Variants in CAMTA1 observed in about 807,000 individuals in gnomAD.
The protein encoded by CAMTA1 is calmodulin binding transcription activator 1.
In CAMTA1, 27 loss-of-function variants were observed where a neutral mutation model predicts 170.9. That is an observed-to-expected ratio of 0.16 (90% CI 0.12 to 0.22). The LOEUF (loss-of-function observed/expected upper bound fraction) is 0.22. Among genes scored for constraint, CAMTA1 ranks in the 10% least tolerant of loss-of-function variants. The pLI, the probability that CAMTA1 is intolerant of heterozygous loss-of-function variation, is 1.00. For missense variants in CAMTA1, 1,619 were observed against 2,217.2 expected, an observed-to-expected ratio of 0.73 and a Z score of 5.42; for synonymous variants, 833 against 891.5, an observed-to-expected ratio of 0.93 and a Z score of 1.17.
At chr1:7,688,011 CTTTT>C (rs70987364) in intron 11 of CAMTA1, among the ~76,000 whole-genome samples, 2 of 103,270 alleles carry the variant, frequency 1.9e-5, no homozygotes, top group South Asian at 3.4e-4. Flanking sequence ...CTCATTATTC[CTTTT>C]TTTTTTTTTT....
chr1:7,309,079 T>A (rs1410908554), intron 5 of CAMTA1, among the ~76,000 whole-genome samples: 1 of 152,206 alleles, frequency 6.6e-6, no homozygotes, highest in Non-Finnish European at 1.5e-5. Context: ...TTCTTTGCTC[T>A]GTAGTCTACC....
intron 5 of CAMTA1, among the ~76,000 whole-genome samples, chr1:7,275,858 G>A (rs1228021149): frequency 6.6e-6 from 1 of 152,038 alleles, no homozygotes; most frequent in Non-Finnish European, 1.5e-5. Flanking sequence ...AACATTTTCA[G>A]AAAATATAGG....
intron 3 of CAMTA1, among the ~76,000 whole-genome samples, chr1:6,921,502 G>C (rs564306425): frequency 6.6e-6 from 1 of 152,276 alleles, no homozygotes; most frequent in South Asian, 2.1e-4. Context: ...CAGTTCCAAA[G>C]TCACTTCCAC....
At chr1:7,380,452 TA>T (rs1405878489) in intron 5 of CAMTA1, among the ~76,000 whole-genome samples, 1 of 152,216 alleles carries the variant, frequency 6.6e-6, no homozygotes, top group African/African-American at 2.4e-5. Context: ...CGCATGCCTG[TA>T]ATCCCAGCTA....
intron 5 of CAMTA1, among the ~76,000 whole-genome samples, chr1:7,375,049 C>T (rs538026028): frequency 6.6e-6 from 1 of 152,292 alleles, no homozygotes; most frequent in African/African-American, 2.4e-5. Context: ...TAGCCACCAG[C>T]CCAGCCAGGT....
At chr1:7,449,769 CAAAAA>C (rs59913060) in intron 5 of CAMTA1, among the ~76,000 whole-genome samples, 1 of 79,608 alleles carries the variant, frequency 1.3e-5, no homozygotes, top group Non-Finnish European at 2.5e-5. Context: ...GACTCGGTCT[CAAAAA>C]AAAAAAAAAA....
chr1:7,115,768 G>T (rs1405993946), intron 4 of CAMTA1, among the ~76,000 whole-genome samples: 2 of 152,116 alleles, frequency 1.3e-5, no homozygotes, highest in Non-Finnish European at 2.9e-5. Flanking sequence ...GTCAAGTTTA[G>T]TCTGACTTCA....
rs944640276 is a variant in CAMTA1, at chr1:7,144,759, C to T, written c.302+53388C>T. 1.2e-4 allele frequency among the ~76,000 whole-genome samples: 19 copies of T among 152,216 alleles called. No individual in the cohort carries two copies. Among genetic ancestry groups the T allele is most frequent in the African/African-American group, 4.1e-4 (17 of 41,446 alleles). ...AGCATCCCAAACTAGTATTGATTGA[C>T]GTCATTTTGGCTAATGGGTCTTCTC... On this transcript the variant is annotated intron_variant, in intron 4 of 22. Transcript: ENST00000303635. The surrounding 1 kb of genome is among the most constrained non-coding windows in gnomAD (Gnocchi z 4.0).
chr1:6,792,392 G>A (rs1641370292), intron 1 of CAMTA1, among the ~76,000 whole-genome samples: 1 of 147,164 alleles, frequency 6.8e-6, no homozygotes, highest in Non-Finnish European at 1.5e-5. Context: ...TTCTAAGGTT[G>A]TATTGCATCC....
At chr1:7,518,998 C>T (rs1227861543) in intron 6 of CAMTA1, among the ~76,000 whole-genome samples, 1 of 151,996 alleles carries the variant, frequency 6.6e-6, no homozygotes, top group Admixed American at 6.5e-5. Context: ...GAGAGCAAGG[C>T]AGTTCTCAAG....
chr1:7,396,801 T>A (rs1166809191), intron 5 of CAMTA1, among the ~76,000 whole-genome samples: 1 of 152,268 alleles, frequency 6.6e-6, no homozygotes, highest in Non-Finnish European at 1.5e-5. Context: ...TCATGCTTAT[T>A]GACTTGCATA....
At position 7,424,438 on chromosome 1, in the gene CAMTA1, C is replaced by T. The variant is rs566086753; in HGVS notation, c.439-43392C>T. 8.5e-5 allele frequency among the ~76,000 whole-genome samples: 10 copies of T among 117,974 alleles called. No homozygotes were observed. In the South Asian group the frequency reaches 1.9e-3, roughly 22 times the overall value. The allele number at this position is 117,974 out of a possible 152,430, so 77.4% of individuals were successfully genotyped here. A position where few individuals can be genotyped will look rare whatever the true frequency, so the allele number is the denominator to read the frequency against. On this transcript the variant is annotated intron_variant, in intron 5 of 22. Coordinates refer to ENST00000303635, the MANE Select transcript of CAMTA1 (RefSeq NM_015215.4). ...TGAAGCAGCATTCCTGTTTTGGCCACGCTGGGAGGATGAGGGGGGGTGGGG... is the reference window on the plus strand; with the variant it reads ...TGAAGCAGCATTCCTGTTTTGGCCATGCTGGGAGGATGAGGGGGGGTGGGG...
chr1:6,978,550 C>G (rs1419736261), intron 3 of CAMTA1, among the ~76,000 whole-genome samples: 1 of 152,108 alleles, frequency 6.6e-6, no homozygotes, highest in Non-Finnish European at 1.5e-5. Flanking sequence ...AGGAGAGTCA[C>G]TTGAACCCAG....
intron 7 of CAMTA1, among the ~76,000 whole-genome samples, chr1:7,661,227 A>AC (rs59821591): frequency 4.3e-4 from 66 of 151,932 alleles, no homozygotes; most frequent in Non-Finnish European, 6.9e-4. Flanking sequence ...CCAGAGTCTT[A>AC]CCCCCCAGGG....
intron 3 of CAMTA1, among the ~76,000 whole-genome samples, chr1:6,880,235 A>G (rs996068487): frequency 6.6e-6 from 1 of 151,860 alleles, no homozygotes; most frequent in Non-Finnish European, 1.5e-5. Flanking sequence ...CACCACGCCC[A>G]GCTAACTTTT....
At chr1:7,493,032 C>A in intron 6 of CAMTA1, among the ~76,000 whole-genome samples, 2 of 149,668 alleles carry the variant, frequency 1.3e-5, no homozygotes, top group African/African-American at 2.5e-5. Flanking sequence ...CATGCACGCA[C>A]ACACAAACAC....
intron 6 of CAMTA1, among the ~76,000 whole-genome samples, chr1:7,530,812 G>GTTTTTTTTTT: frequency 2.0e-5 from 2 of 100,776 alleles, no homozygotes; most frequent in Non-Finnish European, 3.8e-5. Flanking sequence ...GTGAGCTCTT[G>GTTTTTTTTTT]TTTTTTTTTT....
chr1:7,225,531 T>G (rs1010751), intron 4 of CAMTA1, among the ~76,000 whole-genome samples: 149,202 of 152,288 alleles, frequency 0.98, 73,109 homozygotes, highest in East Asian at 1. Flanking sequence ...TTTCCTGGGG[T>G]TGTGGGTGGG....
chr1:7,238,080 T>C (rs1451304781), intron 4 of CAMTA1, among the ~76,000 whole-genome samples: 1 of 152,048 alleles, frequency 6.6e-6, no homozygotes, highest in Non-Finnish European at 1.5e-5. Flanking sequence ...ATTTCAAACA[T>C]CTACAAATAT....
Sources: allele counts gnomAD v4.1 joint callset (sites outside exome capture counted in the v4.1 genomes callset), GRCh38; gene constraint gnomAD v4.1.1; non-coding constraint Gnocchi (gnomAD v3.1); transcripts MANE v1.5; gene names NCBI Gene and HGNC (gene_info 2026-07-23, HGNC 2026-07-21).